Variants in DKK3 observed in about 807,000 individuals in gnomAD.
DKK3 encodes the protein dickkopf-related protein 3.
A neutral mutation model predicts 33.2 loss-of-function variants in DKK3; 22 were observed. The ratio of observed to expected loss-of-function variants is 0.66; its 90% confidence interval spans 0.47 to 0.95. The LOEUF is 0.95. DKK3 is among the 40% of genes least tolerant of loss of function. The pLI is 0.00. For synonymous variants in DKK3, 194 were observed against 188.8 expected (o/e 1.03, Z -0.23); for missense variants, 398 against 458.4 (o/e 0.87, Z 1.20).
chr11:11,998,838 A>G, intron 2 of DKK3, 59 bp from the exon 3 acceptor site: 2 of 1,509,724 alleles, frequency 1.3e-6, no homozygotes, highest in Middle Eastern at 1.7e-4. Context: ...AAATTCCACA[A>G]GTTGTTTTTG....
intron 5 of DKK3, 125 bp from the exon 6 acceptor site, chr11:11,966,090 T>C (rs1847587621): frequency 2.5e-6 from 3 of 1,187,766 alleles, no homozygotes; most frequent in Non-Finnish European, 3.4e-6. Context: ...CAGGCTAGTT[T>C]TGAAGATACG....
intron 3 of DKK3, among the ~76,000 whole-genome samples, chr11:11,970,777 A>G (rs907875399): frequency 2.1e-4 from 32 of 152,344 alleles, no homozygotes; most frequent in Non-Finnish European, 4.4e-4. Flanking sequence ...AAGGGGGGCC[A>G]GGGGCCAAGG....
chr11:12,006,662 G>A (rs576763232), intron 1 of DKK3, among the ~76,000 whole-genome samples: 30 of 152,302 alleles, frequency 2.0e-4, no homozygotes, highest in African/African-American at 7.0e-4. Context: ...TCTGGATAAC[G>A]CCCATGGAGA....
intron 3 of DKK3, among the ~76,000 whole-genome samples, chr11:11,991,367 C>A (rs544346962): frequency 6.6e-6 from 1 of 152,290 alleles, no homozygotes; most frequent in East Asian, 1.9e-4. Flanking sequence ...GTCATGGGGG[C>A]AGATCCCTTA....
rs554472705 is a variant in DKK3, at chr11:11,981,544, G to A, written c.436-13057C>T. On this transcript the variant is annotated intron_variant, in intron 3 of 6. Coordinates refer to ENST00000683431, the MANE Select transcript of DKK3 (RefSeq NM_001018057.2). Reference sequence around the variant, plus strand: ...TCCAAACTCACCCTCTGCCTTGCCAGCCTTCCTGCTGGGCACTTTGAAGGT... The same window carrying A: ...TCCAAACTCACCCTCTGCCTTGCCAACCTTCCTGCTGGGCACTTTGAAGGT... Among the ~76,000 whole-genome samples the A allele has an allele frequency of 5.9e-5, 9 of 152,326 alleles. No homozygotes were observed. The South Asian group carries it at 1.9e-3, about 32-fold the overall frequency.
intron 5 of DKK3, among the ~76,000 whole-genome samples, chr11:11,966,310 G>A (rs566253681): frequency 1.3e-5 from 2 of 152,268 alleles, no homozygotes; most frequent in South Asian, 2.1e-4. Flanking sequence ...TGTCAGGGCC[G>A]GTGAAATTCC....
At chr11:11,968,266 C>T in intron 4 of DKK3, 129 bp downstream of exon 4, 1 of 812,164 alleles carries the variant, frequency 1.2e-6, no homozygotes, top group Non-Finnish European at 1.9e-6. Context: ...CTGGGGAGCC[C>T]TCTTGGGTCC....
intron 3 of DKK3, among the ~76,000 whole-genome samples, chr11:11,976,857 G>T (rs1013424742): frequency 2.0e-5 from 3 of 152,220 alleles, no homozygotes; most frequent in African/African-American, 2.4e-5. Context: ...AACCAGGCCA[G>T]TCGCAGGAGC....
chr11:11,998,557 T>C, intron 3 of DKK3, 139 bp downstream of exon 3: 1 of 761,104 alleles, frequency 1.3e-6, no homozygotes. Context: ...AATGTAGGAA[T>C]TGAGGAATCT....
At chr11:12,000,510 T>C (rs1161724938) in intron 2 of DKK3, among the ~76,000 whole-genome samples, 1 of 148,368 alleles carries the variant, frequency 6.7e-6, no homozygotes, top group Non-Finnish European at 1.5e-5. Flanking sequence ...CCTGGCCTTT[T>C]TTTTTTTTCT....
At position 11,971,143 on chromosome 11, in the gene DKK3, C is replaced by T. The variant is rs536744109; in HGVS notation, c.436-2656G>A. 5.2e-4 allele frequency among the ~76,000 whole-genome samples: 78 copies of T among 151,446 alleles called. 1 individual carries two copies. Among genetic ancestry groups the T allele is most frequent in the Non-Finnish European group, 9.4e-4 (64 of 67,942 alleles). ...GGTGACTACCCTCAGAAACACTTGT[C>T]CATATATGTAAATATCTGAGAACAA... On this transcript the variant is annotated intron_variant, in intron 3 of 6. Coordinates refer to ENST00000683431, the MANE Select transcript of DKK3 (RefSeq NM_001018057.2).
chr11:12,009,367 C>T, upstream of DKK3: 1 of 971,786 alleles, frequency 1.0e-6, no homozygotes, highest in Non-Finnish European at 1.2e-6. Context: ...GCTCCCTCTC[C>T]GCCCCCGCCC....
chr11:11,968,090 T>A (rs2134993561), intron 4 of DKK3, among the ~76,000 whole-genome samples: 1 of 152,252 alleles, frequency 6.6e-6, no homozygotes, highest in East Asian at 1.9e-4. Flanking sequence ...GTGCTGGGAT[T>A]ACAGGTGTAG....
chr11:11,976,992 G>A (rs1405406555), intron 3 of DKK3, among the ~76,000 whole-genome samples: 2 of 152,176 alleles, frequency 1.3e-5, no homozygotes, highest in Non-Finnish European at 2.9e-5. Flanking sequence ...GCTCTAGCCT[G>A]ACCCGCTGCA....
At chr11:11,968,553 G>A (rs1401848893) in intron 3 of DKK3, 66 bp from the exon 4 acceptor site, 12 of 1,495,636 alleles carry the variant, frequency 8.0e-6, no homozygotes, top group Admixed American at 1.8e-5. Context: ...CAGTGCCCAG[G>A]AAGGGCCAGG....
intron 3 of DKK3, among the ~76,000 whole-genome samples, chr11:11,968,979 C>T (rs1847665023): frequency 6.6e-6 from 1 of 152,178 alleles, no homozygotes; most frequent in South Asian, 2.1e-4. Context: ...ACAGAGAGCG[C>T]CCTCAGGGTC....
upstream of DKK3, chr11:12,009,552 C>G: frequency 1.0e-6 from 1 of 979,062 alleles, no homozygotes; most frequent in Non-Finnish European, 1.2e-6. Flanking sequence ...CCTGCGCCCG[C>G]GGCATCCCAG....
chr11:11,998,564 A>G (rs562906934), intron 3 of DKK3, 132 bp downstream of exon 3: 2 of 785,560 alleles, frequency 2.5e-6, no homozygotes, highest in South Asian at 2.9e-5. Flanking sequence ...GAATTGAGGA[A>G]TCTCGGTAGA....
At position 11,966,970 on chromosome 11, in the gene DKK3, G is replaced by A; in HGVS notation, c.657C>T (p.Cys219=). ...GCCACTCACCTCTCTGGAAGGCACA[G>A]CACAGCCCCGGCTGGCAGTCCCTCT... is the stretch of plus-strand genomic sequence containing the variant. ...DNQRDCQPGL[C]CAFQRGLLFP... Residue 219 remains cysteine (C), a synonymous_variant, in exon 5 of 7, where the codon TGC becomes TGT. Transcript: ENST00000683431. 1 of 1,613,996 alleles carries A rather than the reference G, an allele frequency of 6.2e-7. No homozygotes were observed. Among genetic ancestry groups the A allele is most frequent in the Non-Finnish European group, 8.5e-7 (1 of 1,179,928 alleles).
Sources: gnomAD v4.1 joint callset for allele counts (sites outside exome capture counted in the v4.1 genomes callset) on GRCh38, gnomAD v4.1.1 for gene constraint, MANE v1.5 for transcripts, NCBI Gene and HGNC (gene_info 2026-07-23, HGNC 2026-07-21) for gene names.